Variants in CPVL observed in about 807,000 individuals in gnomAD.
CPVL encodes probable serine carboxypeptidase CPVL.
In CPVL, 51 loss-of-function variants were observed where a neutral mutation model predicts 63.7. The observed-to-expected ratio is 0.80, with a 90% CI of 0.64 to 1.01. CPVL has a LOEUF of 1.01. CPVL is among the 50% of genes least tolerant of loss of function. The probability of loss-of-function intolerance (pLI) is 0.00; values close to 1 mark genes in which losing one functional copy is unlikely to be tolerated. For missense variants in CPVL, 530 were observed against 573.1 expected (o/e 0.92, Z 0.77); for synonymous variants, 195 against 206.0 (o/e 0.95, Z 0.46).
At chr7:29,077,085 A>T (rs1374746854) in intron 7 of CPVL, among the ~76,000 whole-genome samples, 1 of 152,202 alleles carries the variant, frequency 6.6e-6, no homozygotes, top group Non-Finnish European at 1.5e-5. Context: ...TTCACAGCCT[A>T]CTTACTGTAA....
At chr7:29,095,226 C>T in intron 4 of CPVL, 84 bp from the exon 5 acceptor site, 3 of 1,082,812 alleles carry the variant, frequency 2.8e-6, no homozygotes, top group South Asian at 2.5e-5. Flanking sequence ...GCCCAACACA[C>T]CCCACGGTCC....
chr7:29,033,545 A>T (rs1215314522), intron 11 of CPVL, among the ~76,000 whole-genome samples: 1 of 152,250 alleles, frequency 6.6e-6, no homozygotes, highest in African/African-American at 2.4e-5. Context: ...CCAGCAAGAC[A>T]TGCAGTGCTA....
upstream of CPVL, among the ~76,000 whole-genome samples, chr7:29,150,592 A>G (rs1257891296): frequency 6.6e-6 from 1 of 152,214 alleles, no homozygotes; most frequent in Non-Finnish European, 1.5e-5. Flanking sequence ...TACAATTCCA[A>G]TTGTCTAAGT....
intron 1 of CPVL, among the ~76,000 whole-genome samples, chr7:29,143,139 G>A (rs186112071): frequency 6.6e-6 from 1 of 152,128 alleles, no homozygotes; most frequent in African/African-American, 2.4e-5. Context: ...AACTTTCTAC[G>A]ATGAAATTTA....
chr7:29,144,199 T>A (rs571266624), intron 1 of CPVL, among the ~76,000 whole-genome samples: 1 of 152,306 alleles, frequency 6.6e-6, no homozygotes, highest in East Asian at 1.9e-4. Context: ...TCTCACATTA[T>A]AAAGCCATCG....
chr7:29,017,412 T>C (rs931554559), intron 12 of CPVL, among the ~76,000 whole-genome samples: 1 of 152,154 alleles, frequency 6.6e-6, no homozygotes, highest in African/African-American at 2.4e-5. Context: ...GGCAGGCGGA[T>C]CACTTGAGGT....
intron 2 of CPVL, chr7:29,185,727 A>G (rs1798627139): frequency 6.6e-6 from 1 of 152,152 alleles, no homozygotes; most frequent in Non-Finnish European, 1.5e-5. Flanking sequence ...ATTCTCATAT[A>G]TACCCCGAGT....
chr7:29,127,407 G>A (rs969421942), intron 1 of CPVL: 3 of 152,100 alleles, frequency 2.0e-5, no homozygotes, highest in Non-Finnish European at 4.4e-5. Flanking sequence ...TTCTAACCAG[G>A]AAGGTAAGGG....
chr7:29,192,951 G>A (rs1272593009), intron 1 of CPVL: 1 of 152,248 alleles, frequency 6.6e-6, no homozygotes, highest in Non-Finnish European at 1.5e-5. Context: ...GAAACAGTAA[G>A]TTCCTTCTGA....
intron 5 of CPVL, among the ~76,000 whole-genome samples, chr7:29,179,859 T>C (rs1185840861): frequency 6.6e-6 from 1 of 152,242 alleles, no homozygotes; most frequent in Non-Finnish European, 1.5e-5. Context: ...ATTTATTTAT[T>C]ATTGCAAGCA....
intron 5 of CPVL, among the ~76,000 whole-genome samples, chr7:29,165,964 T>A (rs1034769070): frequency 6.6e-6 from 1 of 152,184 alleles, no homozygotes; most frequent in Non-Finnish European, 1.5e-5. Context: ...TTTTCTTTTC[T>A]TGTAATATCT....
chr7:29,133,204 A>C (rs550469467), intron 1 of CPVL, among the ~76,000 whole-genome samples: 9 of 152,214 alleles, frequency 5.9e-5, no homozygotes, highest in South Asian at 2.1e-4. Flanking sequence ...AAAAAAAAAA[A>C]AAACAAAAAA....
chr7:29,063,700 A>G (rs1474833692), intron 11 of CPVL, among the ~76,000 whole-genome samples: 1 of 152,052 alleles, frequency 6.6e-6, no homozygotes, highest in Admixed American at 6.5e-5. Context: ...CCTCCCAAGT[A>G]GCTGGGATTA....
intron 11 of CPVL, among the ~76,000 whole-genome samples, chr7:29,048,647 A>C (rs1789851678): frequency 6.6e-6 from 1 of 152,128 alleles, no homozygotes; most frequent in Non-Finnish European, 1.5e-5. Context: ...GGCAACAAAG[A>C]AGCAATGGAT....
intron 12 of CPVL, among the ~76,000 whole-genome samples, chr7:29,007,314 G>T (rs867761469): frequency 6.6e-6 from 1 of 152,046 alleles, no homozygotes. Context: ...TATGCTAATC[G>T]GTCCTCTCTA....
chr7:29,067,046 T>A (rs1015638635), intron 9 of CPVL, among the ~76,000 whole-genome samples: 1 of 151,862 alleles, frequency 6.6e-6, no homozygotes, highest in Non-Finnish European at 1.5e-5. Flanking sequence ...GATTGAAAGG[T>A]AGTGAGGTTG....
chr7:29,148,847 A>C (rs1039446985), upstream of CPVL, among the ~76,000 whole-genome samples: 4 of 152,168 alleles, frequency 2.6e-5, no homozygotes, highest in African/African-American at 4.8e-5. Flanking sequence ...TGGGGCTGAT[A>C]AAGTGTGTGT....
At chr7:29,014,287 A>C (rs907875110) in intron 12 of CPVL, among the ~76,000 whole-genome samples, 1 of 151,338 alleles carries the variant, frequency 6.6e-6, no homozygotes, top group Non-Finnish European at 1.5e-5. Context: ...GGAGATGAAG[A>C]CTCTGTTTGC....
At chr7:29,136,698 T>G (rs942442236) in intron 1 of CPVL, among the ~76,000 whole-genome samples, 2 of 152,172 alleles carry the variant, frequency 1.3e-5, no homozygotes, top group African/African-American at 4.8e-5. Context: ...TTTTTTATCA[T>G]GAGAATTATA....
Sources: gnomAD v4.1 joint callset for allele counts (sites outside exome capture counted in the v4.1 genomes callset) on GRCh38, gnomAD v4.1.1 for gene constraint, MANE v1.5 for transcripts, NCBI Gene and HGNC (gene_info 2026-07-23, HGNC 2026-07-21) for gene names.